MEIS2: variants seen among roughly 807,000 people sequenced by gnomAD.
The protein encoded by MEIS2 is homeobox protein Meis2.
A neutral mutation model predicts 58.6 loss-of-function variants in MEIS2; 9 were observed. The observed-to-expected ratio is 0.15, with a 90% confidence interval of 0.09 to 0.27. The LOEUF (loss-of-function observed/expected upper bound fraction) is 0.27. Among genes scored for constraint, MEIS2 ranks in the 10% least tolerant of loss-of-function variants. The pLI is 1.00. For synonymous variants in MEIS2, 221 were observed against 228.4 expected, an observed-to-expected ratio of 0.97 and a Z score of 0.29; for missense variants, 427 against 635.0, an observed-to-expected ratio of 0.67 and a Z score of 3.52.
At chr15:37,018,217 T>C (rs938789316) in intron 8 of MEIS2, among the ~76,000 whole-genome samples, 1 of 152,200 alleles carries the variant, frequency 6.6e-6, no homozygotes, top group Non-Finnish European at 1.5e-5. Flanking sequence ...GAATAAAAAA[T>C]CCATATGCTC....
intron 9 of MEIS2, among the ~76,000 whole-genome samples, chr15:36,904,289 C>G (rs993776830): frequency 6.6e-6 from 1 of 152,086 alleles, no homozygotes; most frequent in East Asian, 1.9e-4. Context: ...TCTCCTTTGA[C>G]GCTCACCTTT....
At chr15:36,924,654 A>G (rs1424357584) in intron 9 of MEIS2, among the ~76,000 whole-genome samples, 1 of 152,170 alleles carries the variant, frequency 6.6e-6, no homozygotes, top group Non-Finnish European at 1.5e-5. Context: ...GAACTTGACC[A>G]TGACTGGCTG....
chr15:37,043,150 T>A (rs1205511389), intron 7 of MEIS2, among the ~76,000 whole-genome samples: 2 of 152,210 alleles, frequency 1.3e-5, no homozygotes, highest in Non-Finnish European at 2.9e-5. Context: ...GTACTTCTTT[T>A]AGGGAACTTG....
rs754018048 is a variant in MEIS2 at position 36,981,543 on chromosome 15, G to T, written c.901-31143C>A. 5.2e-4 allele frequency among the ~76,000 whole-genome samples: 79 copies of T among 151,954 alleles called. 1 individual carries two copies. Among genetic ancestry groups the T allele is most frequent in the Non-Finnish European group, 1.0e-4 (7 of 67,982 alleles). ...CGATATGATACTAGGTATTATTTAA[G>T]GTATACAGTGTGAGGCTTTGATATG... On this transcript the variant is annotated intron_variant, in intron 8 of 11. Coordinates refer to ENST00000561208, the MANE Select transcript of MEIS2 (RefSeq NM_170675.5).
At chr15:36,955,195 T>C (rs2058914240) in intron 8 of MEIS2, among the ~76,000 whole-genome samples, 1 of 152,204 alleles carries the variant, frequency 6.6e-6, no homozygotes, top group South Asian at 2.1e-4. Flanking sequence ...ATAGAATATA[T>C]ATTTTCGTGA....
Position 37,061,047 on chromosome 15 carries a change from G to T in MEIS2, c.754+22724C>A, listed in dbSNP as rs759939833. ...CAGTTAGTAATTTTAAATAGGCATGGTTAGGTCCTGTACAGATTTGTATCT... is the reference window on the plus strand; with the variant it reads ...CAGTTAGTAATTTTAAATAGGCATGTTTAGGTCCTGTACAGATTTGTATCT... On this transcript the variant is annotated intron_variant, in intron 7 of 11. Coordinates refer to ENST00000561208, the MANE Select transcript of MEIS2 (RefSeq NM_170675.5). Among the ~76,000 whole-genome samples the T allele has an allele frequency of 5.3e-5, 8 of 152,272 alleles. No homozygotes were observed. In the East Asian group the frequency reaches 7.7e-4, roughly 15 times the overall value.
intron 8 of MEIS2, among the ~76,000 whole-genome samples, chr15:36,979,406 G>A (rs192909671): frequency 6.6e-6 from 1 of 152,172 alleles, no homozygotes; most frequent in Admixed American, 6.6e-5. Flanking sequence ...ACACTCTTCA[G>A]CATAATATGA....
rs1343319288 is a variant in MEIS2 at position 36,890,877 on chromosome 15, A to C, written c.*1296T>G. ...GGTGGAACTTATAGGTCAAATAGAC[A>C]TTGAAAGGCTATAGATGATTACCTT... On this transcript the variant is annotated 3_prime_UTR_variant, in exon 12 of 12. Transcript: ENST00000561208. 6.6e-6 allele frequency: 1 copy of C among 152,228 alleles called. No homozygotes were observed. The highest frequency in any genetic ancestry group is 1.5e-5 in the Non-Finnish European group (1 of 68,030). The allele number at this position is 152,228 out of a possible 1,614,324, so 9.4% of individuals were successfully genotyped here.
chr15:37,058,584 G>A (rs1888768026), intron 7 of MEIS2, among the ~76,000 whole-genome samples: 1 of 152,192 alleles, frequency 6.6e-6, no homozygotes, highest in African/African-American at 2.4e-5. Flanking sequence ...TGTGATCTGT[G>A]CAGTCACCAC....
intron 7 of MEIS2, among the ~76,000 whole-genome samples, chr15:37,080,606 A>C (rs1340685902): frequency 6.6e-6 from 1 of 152,164 alleles, no homozygotes; most frequent in Non-Finnish European, 1.5e-5. Flanking sequence ...ACTTATTATC[A>C]AACCCCATTT....
At chr15:37,036,778 A>C in intron 8 of MEIS2, 36 bp downstream of exon 8, 9 of 1,600,418 alleles carry the variant, frequency 5.6e-6, no homozygotes, top group Non-Finnish European at 6.8e-6. Flanking sequence ...CAAAACAACA[A>C]AAACTATTTT....
Position 36,956,816 on chromosome 15 carries a change from CAT to C in MEIS2, c.901-6418_901-6417del, listed in dbSNP as rs546944472. ...CAATAAATTAGTTCTGAATAATAAA[CAT>C]AGACCGATTTGGATTATGTGGACCT... is the stretch of plus-strand genomic sequence containing the variant. On this transcript the variant is annotated intron_variant, in intron 8 of 11. Coordinates refer to ENST00000561208, the MANE Select transcript of MEIS2 (RefSeq NM_170675.5). Among the ~76,000 whole-genome samples, 570 of 144,278 alleles carry C rather than the reference CAT, an allele frequency of 4.0e-3. 7 individuals carry two copies. The highest frequency in any genetic ancestry group is 0.014 in the African/African-American group (557 of 38,800). The allele number at this position is 144,278 out of a possible 152,430, so 94.7% of individuals were successfully genotyped here.
chr15:36,998,020 C>G (rs2060587589), intron 8 of MEIS2, among the ~76,000 whole-genome samples: 1 of 152,144 alleles, frequency 6.6e-6, no homozygotes, highest in South Asian at 2.1e-4. Flanking sequence ...GGAAATCCTT[C>G]AAACACTTAA....
At position 37,037,003 on chromosome 15, in the gene MEIS2, G is replaced by A. The variant is rs187713370; in HGVS notation, c.755-44C>T. On this transcript the variant is annotated intron_variant, in intron 7 of 11. Transcript: ENST00000561208. The stretch of plus-strand genomic sequence containing the variant: ...AATACATTAGAGAAAACATCGCAAG[G>A]TGCCAACAACAAGTGCAGCTAATGA... 10 of 1,560,406 alleles carry A rather than the reference G, an allele frequency of 6.4e-6. No homozygotes were observed. In the Admixed American group the frequency reaches 9.6e-5, roughly 15 times the overall value.
intron 8 of MEIS2, among the ~76,000 whole-genome samples, chr15:37,036,067 A>AT (rs199759962): frequency 6.6e-6 from 1 of 152,182 alleles, no homozygotes; most frequent in South Asian, 2.1e-4. Flanking sequence ...ATATATTGTA[A>AT]TTTTTTTGTC....
chr15:36,927,592 C>T (rs1406247031), intron 9 of MEIS2, among the ~76,000 whole-genome samples: 2 of 152,110 alleles, frequency 1.3e-5, no homozygotes, highest in Non-Finnish European at 2.9e-5. Context: ...TTGCTTCTCT[C>T]ACAGCATCTT....
chr15:36,935,632 T>G (rs1003975564), intron 9 of MEIS2, among the ~76,000 whole-genome samples: 2 of 152,272 alleles, frequency 1.3e-5, no homozygotes, highest in South Asian at 2.1e-4. Flanking sequence ...TTTAATGTAT[T>G]ATTTTTTTCT....
At chr15:37,003,209 T>G (rs1373921940) in intron 8 of MEIS2, among the ~76,000 whole-genome samples, 1 of 152,190 alleles carries the variant, frequency 6.6e-6, no homozygotes, top group Non-Finnish European at 1.5e-5. Context: ...ACATTCTGAT[T>G]TCACTGGGCC....
At chr15:36,998,236 G>GTTTTTTTTTTTTTTTTTTTTTTTTT (rs5811954) in intron 8 of MEIS2, among the ~76,000 whole-genome samples, 2 of 66,754 alleles carry the variant, frequency 3.0e-5, no homozygotes, top group Non-Finnish European at 5.4e-5. Flanking sequence ...AAAACACAAA[G>GTTTTTTTTTTTTTTTTTTTTTTTTT]TTTTTTTTTT....
Sources: allele counts gnomAD v4.1 joint callset (sites outside exome capture counted in the v4.1 genomes callset), GRCh38; gene constraint gnomAD v4.1.1; transcripts MANE v1.5; gene names NCBI Gene and HGNC (gene_info 2026-07-23, HGNC 2026-07-21).